DPYD: variants seen among roughly 807,000 people sequenced by gnomAD.
The protein encoded by DPYD is dihydropyrimidine dehydrogenase [NADP(+)].
Under a neutral mutation model 116.2 loss-of-function variants are expected in DPYD, and 109 were observed. The observed-to-expected ratio is 0.94, with a 90% CI of 0.80 to 1.10. The LOEUF is 1.10. Ranked by LOEUF, DPYD falls within the 50% of genes least tolerant of loss-of-function variation. DPYD has a pLI of 0.00. For missense variants in DPYD, 1,302 were observed against 1,254.5 expected (o/e 1.04, Z -0.57); for synonymous variants, 440 against 432.0 (o/e 1.02, Z -0.23).
chr1:97,454,013 C>T (rs578258388), intron 13 of DPYD, among the ~76,000 whole-genome samples: 8 of 152,058 alleles, frequency 5.3e-5, no homozygotes, highest in Non-Finnish European at 1.2e-4. Flanking sequence ...TTACAGATGC[C>T]TACTGTTGTA....
intron 13 of DPYD, among the ~76,000 whole-genome samples, chr1:97,483,314 GCT>G (rs951998888): frequency 6.6e-6 from 1 of 152,114 alleles, no homozygotes; most frequent in Non-Finnish European, 1.5e-5. Flanking sequence ...AGATGAGCAC[GCT>G]CTCCAGTTGC....
chr1:97,315,873 T>G (rs1483175998), intron 16 of DPYD, among the ~76,000 whole-genome samples: 2 of 151,946 alleles, frequency 1.3e-5, no homozygotes, highest in Non-Finnish European at 2.9e-5. Flanking sequence ...GGGCTAATTT[T>G]TTTCCTAGAA....
chr1:97,315,371 T>C (rs927426354), intron 16 of DPYD, among the ~76,000 whole-genome samples: 128 of 150,768 alleles, frequency 8.5e-4, no homozygotes, highest in African/African-American at 3.1e-3. Context: ...ACTCCTCTAA[T>C]AGGCACTTTT....
chr1:97,661,072 G>GA (rs1216572845), intron 8 of DPYD, among the ~76,000 whole-genome samples: 2 of 152,120 alleles, frequency 1.3e-5, no homozygotes, highest in East Asian at 3.8e-4. Flanking sequence ...GGAAGTTTGA[G>GA]AAAACCACAG....
At chr1:97,888,439 T>C (rs769686833) in intron 1 of DPYD, among the ~76,000 whole-genome samples, 5 of 151,246 alleles carry the variant, frequency 3.3e-5, no homozygotes, top group Non-Finnish European at 7.4e-5. Context: ...CAGGAGAAAA[T>C]ACAGAAGTTA....
intron 8 of DPYD, among the ~76,000 whole-genome samples, chr1:97,625,040 GC>G (rs1467395964): frequency 6.6e-6 from 1 of 151,888 alleles, no homozygotes; most frequent in Admixed American, 6.6e-5. Context: ...GAGTTATACT[GC>G]ACAGCACAGT....
chr1:97,564,117 T>A (rs969740218), intron 11 of DPYD, among the ~76,000 whole-genome samples: 8 of 152,192 alleles, frequency 5.3e-5, no homozygotes, highest in Non-Finnish European at 1.0e-4. Flanking sequence ...TTCATTTTCA[T>A]CATTTCGCAA....
Position 97,595,142 on chromosome 1 carries a change from G to A in DPYD, c.875C>T (p.Ala292Val), listed in dbSNP as rs748266854. 1.9e-6 allele frequency: 3 copies of A among 1,613,404 alleles called. No homozygotes were observed. Among genetic ancestry groups the A allele is most frequent in the Non-Finnish European group, 2.5e-6 (3 of 1,179,570 alleles). Residue 292 changes from alanine (A) to valine (V), a missense_variant, in exon 9 of 23, where the codon GCC becomes GTC. Transcript: ENST00000370192. ...GTCCTGCGTCAGGCCTTGGAAGATGGCATCTTTATTGGGTTCTGGCAAACC... is the reference window on the plus strand; with the variant it reads ...GTCCTGCGTCAGGCCTTGGAAGATGACATCTTTATTGGGTTCTGGCAAACC... Reference protein sequence around the residue: ...GIGLPEPNKDAIFQGLTQDQG... With the variant: ...GIGLPEPNKDVIFQGLTQDQG...
At chr1:97,265,446 C>T (rs775305795) in intron 18 of DPYD, 10 of 152,160 alleles carry the variant, frequency 6.6e-5, no homozygotes, top group Non-Finnish European at 1.5e-4. Context: ...CAATGCTCTA[C>T]GCTCAGAATT....
intron 13 of DPYD, among the ~76,000 whole-genome samples, chr1:97,507,839 C>T (rs963022539): frequency 6.6e-6 from 1 of 151,856 alleles, no homozygotes; most frequent in Non-Finnish European, 1.5e-5. Flanking sequence ...GGAGAACAGA[C>T]AACCTACATG....
chr1:97,079,851 C>A (rs1284926258), intron 22 of DPYD, among the ~76,000 whole-genome samples: 1 of 152,008 alleles, frequency 6.6e-6, no homozygotes, highest in African/African-American at 2.4e-5. Context: ...AATTTTCCTT[C>A]CCCCGTCTTC....
rs562655220 is a variant in DPYD, at chr1:97,364,038, G to GATATCT, written c.2058+9517_2058+9522dup. Among the ~76,000 whole-genome samples, 557 of 152,106 alleles carry GATATCT rather than the reference G, an allele frequency of 3.7e-3. 2 individuals are homozygous for GATATCT. Among genetic ancestry groups the GATATCT allele is most frequent in the South Asian group, 0.019 (90 of 4,816 alleles). On this transcript the variant is annotated intron_variant, in intron 16 of 22. Coordinates refer to ENST00000370192, the MANE Select transcript of DPYD (RefSeq NM_000110.4). ...TTTTTATGGCTGAGTAGTATTCCAT[G>GATATCT]ATATCTATATCTATATCTATATCTA...
chr1:97,790,780 G>A (rs1667281593), intron 3 of DPYD, among the ~76,000 whole-genome samples: 1 of 152,058 alleles, frequency 6.6e-6, no homozygotes, highest in East Asian at 1.9e-4. Context: ...AAGACATTCT[G>A]TTGAGTTCAA....
At chr1:97,493,841 C>T (rs934234990) in intron 13 of DPYD, among the ~76,000 whole-genome samples, 1 of 152,090 alleles carries the variant, frequency 6.6e-6, no homozygotes, top group African/African-American at 2.4e-5. Context: ...TATTATTGAT[C>T]GATTTCTATA....
chr1:97,547,382 C>A (rs1039704630), intron 12 of DPYD, among the ~76,000 whole-genome samples: 8 of 152,100 alleles, frequency 5.3e-5, no homozygotes, highest in African/African-American at 1.9e-4. Context: ...CTGTCTGAGG[C>A]AATAAACACT....
At chr1:97,761,352 A>T (rs796816037) in intron 3 of DPYD, among the ~76,000 whole-genome samples, 2 of 151,794 alleles carry the variant, frequency 1.3e-5, no homozygotes, top group African/African-American at 4.9e-5. Context: ...TAAAATTCTC[A>T]TAAGAAAAGA....
At chr1:97,376,865 T>TTGTGTGTGTGTGTG (rs66598688) in intron 15 of DPYD, among the ~76,000 whole-genome samples, 5 of 134,714 alleles carry the variant, frequency 3.7e-5, no homozygotes, top group Admixed American at 2.3e-4. Flanking sequence ...AAGAGAGAGT[T>TTGTGTGTGTGTGTG]TGTGTGTGTG....
intron 4 of DPYD, among the ~76,000 whole-genome samples, chr1:97,726,774 T>C (rs548868680): frequency 6.6e-5 from 10 of 151,162 alleles, no homozygotes; most frequent in Admixed American, 4.0e-4. Flanking sequence ...CACAAGAATA[T>C]TGATTGTTTC....
At chr1:97,790,127 T>G (rs890335065) in intron 3 of DPYD, among the ~76,000 whole-genome samples, 6 of 152,150 alleles carry the variant, frequency 3.9e-5, no homozygotes, top group African/African-American at 1.4e-4. Context: ...TCTACCTCCC[T>G]CAAGAAATCA....
Sources: allele counts gnomAD v4.1 joint callset (sites outside exome capture counted in the v4.1 genomes callset), GRCh38; gene constraint gnomAD v4.1.1; transcripts MANE v1.5; gene names NCBI Gene and HGNC (gene_info 2026-07-23, HGNC 2026-07-21).